The following RIC1 variants were observed in gnomAD, a reference collection of about 807,000 sequenced individuals.
The protein encoded by RIC1 is guanine nucleotide exchange factor subunit RIC1.
In RIC1, 88 loss-of-function variants were observed where a neutral mutation model predicts 169.0. The ratio of observed to expected loss-of-function variants is 0.52; its 90% confidence interval spans 0.44 to 0.62. The LOEUF (loss-of-function observed/expected upper bound fraction) is 0.62. Among genes scored for constraint, RIC1 ranks in the 20% least tolerant of loss-of-function variants. The pLI is 0.00. For synonymous variants in RIC1, 790 were observed against 601.5 expected (o/e 1.31, Z -4.59); for missense variants, 1,877 against 1,725.5 (o/e 1.09, Z -1.56).
chr9:5,704,073 A>G lies in RIC1; in HGVS notation c.333-9823A>G, dbSNP rs115681997. Among the ~76,000 whole-genome samples the G allele has an allele frequency of 8.3e-3, 1,267 of 152,098 alleles. 20 individuals are homozygous for G. The highest frequency in any genetic ancestry group is 0.028 in the African/African-American group (1,163 of 41,504). On this transcript the variant is annotated intron_variant, in intron 3 of 25. Coordinates refer to ENST00000414202, the MANE Select transcript of RIC1 (RefSeq NM_020829.4). ...TTTTTTATTATATTAGGGTCATCCC[A>G]ATGAATGTGAAATAGTATCTCATTA...
At chr9:5,709,235 G>A (rs540909556) in intron 3 of RIC1, among the ~76,000 whole-genome samples, 81 of 152,240 alleles carry the variant, frequency 5.3e-4, no homozygotes, top group Non-Finnish European at 9.3e-4. Context: ...CAGTTCTGCC[G>A]TCTGTCCAGA....
intron 6 of RIC1, among the ~76,000 whole-genome samples, chr9:5,724,435 C>T (rs1478807065): frequency 6.6e-6 from 1 of 152,160 alleles, no homozygotes; most frequent in African/African-American, 2.4e-5. Flanking sequence ...GCTGAAGTTG[C>T]CTATCAGCTT....
chr9:5,737,037 C>T (rs928679947), intron 7 of RIC1, among the ~76,000 whole-genome samples: 2 of 150,856 alleles, frequency 1.3e-5, no homozygotes, highest in African/African-American at 4.9e-5. Flanking sequence ...CTATTATGTG[C>T]AAAAGCATTC....
intron 23 of RIC1, among the ~76,000 whole-genome samples, chr9:5,770,784 G>A (rs1827163723): frequency 6.6e-6 from 1 of 151,858 alleles, no homozygotes; most frequent in Admixed American, 6.6e-5. Flanking sequence ...TTGCCTCTTG[G>A]CCTTAAAAGC....
chr9:5,638,438 T>A (rs541369577), intron 1 of RIC1, among the ~76,000 whole-genome samples: 20 of 152,326 alleles, frequency 1.3e-4, no homozygotes, highest in African/African-American at 4.6e-4. Context: ...CTTTAAATGT[T>A]TGTTGGAATT....
intron 6 of RIC1, among the ~76,000 whole-genome samples, chr9:5,729,725 C>G (rs1366995263): frequency 6.6e-6 from 1 of 151,948 alleles, no homozygotes; most frequent in Non-Finnish European, 1.5e-5. Flanking sequence ...TTTAATATTC[C>G]TATCTACTAT....
chr9:5,663,163 A>C (rs1819555516), intron 2 of RIC1, among the ~76,000 whole-genome samples: 1 of 151,970 alleles, frequency 6.6e-6, no homozygotes, highest in African/African-American at 2.4e-5. Flanking sequence ...AATTCTTCTG[A>C]GTGAATTTTT....
intron 6 of RIC1, among the ~76,000 whole-genome samples, chr9:5,721,958 G>A (rs181192526): frequency 2.2e-3 from 333 of 149,562 alleles, no homozygotes; most frequent in African/African-American, 7.5e-3. Context: ...GCACGATCTC[G>A]GCTCACCACA....
intron 12 of RIC1, among the ~76,000 whole-genome samples, chr9:5,749,352 T>C (rs1294925835): frequency 1.3e-5 from 2 of 152,214 alleles, no homozygotes; most frequent in African/African-American, 2.4e-5. Context: ...TGGCGGTGTA[T>C]AGGGCAGTAT....
chr9:5,636,069 A>C (rs971113202), intron 1 of RIC1, among the ~76,000 whole-genome samples: 1 of 152,074 alleles, frequency 6.6e-6, no homozygotes, highest in Non-Finnish European at 1.5e-5. Flanking sequence ...AAATTTTAGG[A>C]TTGTTTTTCT....
At chr9:5,713,549 C>T in intron 3 of RIC1, 1 of 194,098 alleles carries the variant, frequency 5.2e-6, no homozygotes, top group Non-Finnish European at 1.1e-5. Flanking sequence ...TACTTTTTTC[C>T]ATAGTTGTCC....
chr9:5,757,314 C>G lies in RIC1; in HGVS notation c.1855C>G (p.Pro619Ala). 1 of 1,613,816 alleles carries G rather than the reference C, an allele frequency of 6.2e-7. No individual in the cohort carries two copies. Among genetic ancestry groups the G allele is most frequent in the South Asian group, 1.1e-5 (1 of 91,052 alleles). Reference sequence around the variant, plus strand: ...TGTGGGTTTCTTTTGTTTTTACAGTCCAAATACTACTGCTGGTATTCAAGT... The same window carrying G: ...TGTGGGTTTCTTTTGTTTTTACAGTGCAAATACTACTGCTGGTATTCAAGT... The part of the protein sequence containing the change: ...LYSIERKSDG[P>A]NTTAGIQVLQ... Residue 619 changes from proline to alanine, a missense_variant and splice_region_variant, in exon 17 of 26, where the codon CCA becomes GCA. By Grantham distance (27) the Pro-to-Ala change is conservative. Around this residue, in one of 3 missense-constraint regions of RIC1, gnomAD observed 1,104 missense variants for 992.0 expected, o/e 1.11. Coordinates refer to ENST00000414202, the MANE Select transcript of RIC1 (RefSeq NM_020829.4).
At chr9:5,759,141 T>G (rs1239369173) in intron 17 of RIC1, among the ~76,000 whole-genome samples, 1 of 152,192 alleles carries the variant, frequency 6.6e-6, no homozygotes, top group Non-Finnish European at 1.5e-5. Flanking sequence ...TAGTCCTAAT[T>G]GATAAGGGAA....
intron 2 of RIC1, among the ~76,000 whole-genome samples, chr9:5,682,667 G>C (rs575402002): frequency 9.9e-5 from 15 of 152,048 alleles, no homozygotes; most frequent in African/African-American, 3.6e-4. Flanking sequence ...GAGTATCTTT[G>C]TGGCGTTCTC....
At chr9:5,728,924 G>C (rs1239758878) in intron 6 of RIC1, among the ~76,000 whole-genome samples, 2 of 152,096 alleles carry the variant, frequency 1.3e-5, no homozygotes, top group Non-Finnish European at 2.9e-5. Context: ...GGTTCGTTTG[G>C]TTTACTATGT....
intron 2 of RIC1, among the ~76,000 whole-genome samples, chr9:5,665,858 G>T (rs1444783200): frequency 2.0e-5 from 3 of 152,176 alleles, no homozygotes; most frequent in Non-Finnish European, 4.4e-5. Context: ...GCTCAGATGT[G>T]CCTGGAGGAG....
At chr9:5,645,949 GTT>G (rs34638495) in intron 1 of RIC1, among the ~76,000 whole-genome samples, 1 of 140,222 alleles carries the variant, frequency 7.1e-6, no homozygotes. Flanking sequence ...TATTCTATAG[GTT>G]TTTTTTTTTT....
rs76599070 is a variant in RIC1, at chr9:5,720,557, G to C, written c.584-57G>C. Reference sequence around the variant, plus strand: ...CTTACAGGTTTTTCTGGCAAAAAGTGAGAGAGTAATTTATTATATTCTTAA... The same window carrying C: ...CTTACAGGTTTTTCTGGCAAAAAGTCAGAGAGTAATTTATTATATTCTTAA... On this transcript the variant is annotated intron_variant, in intron 5 of 25. Coordinates refer to ENST00000414202, the MANE Select transcript of RIC1 (RefSeq NM_020829.4). 1.0e-3 allele frequency: 1,501 copies of C among 1,488,272 alleles called. 24 individuals are homozygous for C. The East Asian group carries it at 0.027, about 27-fold the overall frequency. The allele number at this position is 1,488,272 out of a possible 1,614,324, so 92.2% of individuals were successfully genotyped here.
chr9:5,737,977 G>T (rs1824828706), intron 7 of RIC1, among the ~76,000 whole-genome samples: 1 of 152,072 alleles, frequency 6.6e-6, no homozygotes. Context: ...TATGTCAGGT[G>T]TGGCAGAGGC....
Sources: allele counts gnomAD v4.1 joint callset (sites outside exome capture counted in the v4.1 genomes callset), GRCh38; gene constraint gnomAD v4.1.1; regional missense constraint gnomAD v4.1.1; transcripts MANE v1.5; gene names NCBI Gene and HGNC (gene_info 2026-07-23, HGNC 2026-07-21).